Variants in PCDHGB6 observed in about 807,000 individuals in gnomAD.
PCDHGB6 encodes the protein protocadherin gamma subfamily B, 6.
PCDHGB6 carries 51 observed loss-of-function variants against 59.1 expected under a neutral mutation model. The observed-to-expected ratio is 0.86, with a 90% CI of 0.69 to 1.09. The LOEUF (loss-of-function observed/expected upper bound fraction) is 1.09, where lower values mean the gene tolerates loss of function less well. Among genes scored for constraint, PCDHGB6 ranks in the 50% least tolerant of loss-of-function variants. The pLI is 0.00. For synonymous variants in PCDHGB6, 466 were observed against 495.1 expected (o/e 0.94, Z 0.78); for missense variants, 1,148 against 1,205.1 (o/e 0.95, Z 0.70).
At chr5:141,436,991 T>G (rs1016670604) in intron 1 of PCDHGB6, among the ~76,000 whole-genome samples, 2 of 152,238 alleles carry the variant, frequency 1.3e-5, no homozygotes, top group African/African-American at 4.8e-5. Flanking sequence ...AGAAGCAGTT[T>G]ACTTCAATGG....
chr5:141,428,354 T>G, intron 1 of PCDHGB6: 1 of 572,018 alleles, frequency 1.7e-6, no homozygotes. Context: ...GCAGTGATTT[T>G]GGCGGTCGCC....
In PCDHGB6 at chr5:141,493,985, C is replaced by A. The variant is rs1444608753; in HGVS notation, c.2419-822C>A. On this transcript the variant is annotated intron_variant, in intron 1 of 3. Coordinates refer to ENST00000520790, the MANE Select transcript of PCDHGB6 (RefSeq NM_018926.3). This position sits in a 1 kb window ranked among gnomAD's most constrained non-coding sequence, Gnocchi z 4.3. ...GCTGGCCAGAGCCCCACACCTTCAGCTAGGTGGGAGATGGCTACACATCAG... is the reference window on the plus strand; with the variant it reads ...GCTGGCCAGAGCCCCACACCTTCAGATAGGTGGGAGATGGCTACACATCAG... Among the ~76,000 whole-genome samples the A allele has an allele frequency of 6.6e-6, 1 of 152,196 alleles. No individual in the cohort carries two copies. The highest frequency in any genetic ancestry group is 1.5e-5 in the Non-Finnish European group (1 of 68,032).
chr5:141,414,469 G>T (rs944183814), intron 1 of PCDHGB6: 1 of 1,613,742 alleles, frequency 6.2e-7, no homozygotes, highest in African/African-American at 1.3e-5. Context: ...CACAGATGGG[G>T]GAAGTCCTCC....
chr5:141,491,850 T>C lies in PCDHGB6; in HGVS notation c.2419-2957T>C. ...CCCGATTCTCGGGATCATTGGACCG[T>C]TTGCGCGAAACCAGAGTGGCCGATT... On this transcript the variant is annotated intron_variant, in intron 1 of 3. Transcript: ENST00000520790. The surrounding 1 kb of genome is among the most constrained non-coding windows in gnomAD (Gnocchi z 6.9). 6.8e-7 allele frequency: 1 copy of C among 1,460,996 alleles called. No homozygotes were observed. The highest frequency in any genetic ancestry group is 2.5e-5 in the East Asian group (1 of 40,084). The allele number at this position is 1,460,996 out of a possible 1,614,324, so 90.5% of individuals were successfully genotyped here.
intron 1 of PCDHGB6, among the ~76,000 whole-genome samples, chr5:141,444,152 ATTTTTTTTTTTTTTT>A (rs747671382): frequency 3.8e-4 from 13 of 33,894 alleles, no homozygotes; most frequent in East Asian, 1.0e-3. Context: ...TGTGTACTGG[ATTTTTTTTTTTTTTT>A]TTTTTTTTTT....
chr5:141,478,847 AAC>A (rs2099480409), intron 1 of PCDHGB6: 1 of 1,389,782 alleles, frequency 7.2e-7, no homozygotes, highest in South Asian at 1.5e-5. Context: ...GTTAAGCTAA[AAC>A]ACAAGATCTC....
In PCDHGB6 at chr5:141,489,088, G is replaced by GGCA; in HGVS notation, c.2419-5719_2419-5718insGCA. The GGCA allele has an allele frequency of 2.9e-6, 1 of 347,238 alleles. No individual in the cohort carries two copies. Among genetic ancestry groups the GGCA allele is most frequent in the Non-Finnish European group, 5.0e-6 (1 of 200,706 alleles). The allele number at this position is 347,238 out of a possible 1,614,324, so 21.5% of individuals were successfully genotyped here. A position where few individuals can be genotyped will look rare whatever the true frequency, so the allele number is the denominator to read the frequency against. The stretch of plus-strand genomic sequence containing the variant: ...CCCCTGCCCACCCCCGCCACTCGGT[G>GGCA]ACTAAGAACTGCTGCAAGCAGGCAA... On this transcript the variant is annotated intron_variant, in intron 1 of 3. Coordinates refer to ENST00000520790, the MANE Select transcript of PCDHGB6 (RefSeq NM_018926.3). This position sits in a 1 kb window ranked among gnomAD's most constrained non-coding sequence, Gnocchi z 4.5.
chr5:141,434,992 C>A (rs2097735368), intron 1 of PCDHGB6, among the ~76,000 whole-genome samples: 1 of 151,902 alleles, frequency 6.6e-6, no homozygotes, highest in Non-Finnish European at 1.5e-5. Context: ...ATATCATTTT[C>A]TAGCTGAATT....
intron 1 of PCDHGB6, among the ~76,000 whole-genome samples, chr5:141,466,594 C>G (rs557960608): frequency 6.6e-6 from 1 of 152,268 alleles, no homozygotes; most frequent in Admixed American, 6.5e-5. Flanking sequence ...TTAAAACAAG[C>G]TAGCTACTTG....
In PCDHGB6 at chr5:141,432,601, G is replaced by A. The variant is rs1313279772; in HGVS notation, c.2418+21981G>A. The A allele has an allele frequency of 5.6e-6, 9 of 1,613,950 alleles. No homozygotes were observed. Among genetic ancestry groups the A allele is most frequent in the Admixed American group, 1.7e-5 (1 of 60,030 alleles). On this transcript the variant is annotated intron_variant, in intron 1 of 3. Transcript: ENST00000520790. The surrounding 1 kb of genome is among the most constrained non-coding windows in gnomAD (Gnocchi z 6.0). ...ACCGTCTGCTCAAGGCCAGCGAGCC[G>A]GGACTCTTCTCGGTGGGTCTGCACA...
In PCDHGB6 at chr5:141,428,425, T is replaced by A. The variant is rs1193842204; in HGVS notation, c.2418+17805T>A. ...GGGTTGCTTTCACCCTGGTCTCTGT[T>A]CTAAGACTAGACCAGGGGTTTTTCC... On this transcript the variant is annotated intron_variant, in intron 1 of 3. Transcript: ENST00000520790. 4 of 436,598 alleles carry A rather than the reference T, an allele frequency of 9.2e-6. No homozygotes were observed. In the East Asian group the frequency reaches 1.9e-4, roughly 21 times the overall value. 27.0% of individuals were successfully genotyped at this position (436,598 alleles called of 1,614,324 possible). A position where few individuals can be genotyped will look rare whatever the true frequency, so the allele number is the denominator to read the frequency against.
chr5:141,509,303 G>A (rs911736752), intron 3 of PCDHGB6, among the ~76,000 whole-genome samples: 1 of 152,210 alleles, frequency 6.6e-6, no homozygotes, highest in Admixed American at 6.5e-5. Context: ...GGAGGCAGAG[G>A]GAGGCTGGGA....
At chr5:141,437,887 G>A (rs1289693561) in intron 1 of PCDHGB6, among the ~76,000 whole-genome samples, 12 of 151,946 alleles carry the variant, frequency 7.9e-5, no homozygotes, top group Admixed American at 3.3e-4. Flanking sequence ...ACAGGCACAC[G>A]CCACCACACC....
At chr5:141,455,330 G>T (rs2098819667) in intron 1 of PCDHGB6, among the ~76,000 whole-genome samples, 1 of 152,042 alleles carries the variant, frequency 6.6e-6, no homozygotes, top group South Asian at 2.1e-4. Context: ...GTGTGTTTGT[G>T]GTTTTAAGGA....
intron 1 of PCDHGB6, chr5:141,441,795 C>T (rs569465359): frequency 2.6e-6 from 1 of 387,758 alleles, no homozygotes; most frequent in Non-Finnish European, 5.1e-6. Flanking sequence ...TGACAACGCA[C>T]CGCGGGTGCT....
At chr5:141,419,432 C>A (rs2096381830) in intron 1 of PCDHGB6, 1 of 1,613,160 alleles carries the variant, frequency 6.2e-7, no homozygotes, top group Non-Finnish European at 8.5e-7. Flanking sequence ...CCACGAGCAG[C>A]TGCGCACCTT....
intron 1 of PCDHGB6, chr5:141,414,449 C>T (rs1223779483): frequency 6.2e-7 from 1 of 1,613,730 alleles, no homozygotes; most frequent in Non-Finnish European, 8.5e-7. Context: ...TACAATATCA[C>T]AGTGACAGCC....
rs753372015 is a variant in PCDHGB6 at position 141,422,180 on chromosome 5, T to C, written c.2418+11560T>C. The stretch of plus-strand genomic sequence containing the variant: ...TTTGAAAAATATAGATTCTATGAGA[T>C]GGAAATTCAAGGCCAAGATGGTGGA... On this transcript the variant is annotated intron_variant, in intron 1 of 3. Coordinates refer to ENST00000520790, the MANE Select transcript of PCDHGB6 (RefSeq NM_018926.3). 1.1e-5 allele frequency: 17 copies of C among 1,562,190 alleles called. No homozygotes were observed. In the African/African-American group the frequency reaches 1.9e-4, roughly 18 times the overall value.
In PCDHGB6 at chr5:141,487,608, G is replaced by T; in HGVS notation, c.2419-7199G>T. 1 of 1,614,182 alleles carries T rather than the reference G, an allele frequency of 6.2e-7. No individual in the cohort carries two copies. The highest frequency in any genetic ancestry group is 8.5e-7 in the Non-Finnish European group (1 of 1,180,042). On this transcript the variant is annotated intron_variant, in intron 1 of 3. Coordinates refer to ENST00000520790, the MANE Select transcript of PCDHGB6 (RefSeq NM_018926.3). The surrounding 1 kb of genome is among the most constrained non-coding windows in gnomAD (Gnocchi z 5.0). ...TGCCCACCCTCTGATCTTCTCTATG[G>T]GCTAGAGGTGAGACCTTTGCAGGCT...
Sources: gnomAD v4.1 joint callset for allele counts (sites outside exome capture counted in the v4.1 genomes callset) on GRCh38, gnomAD v4.1.1 for gene constraint, Gnocchi (gnomAD v3.1) non-coding constraint, MANE v1.5 for transcripts, NCBI Gene and HGNC (gene_info 2026-07-23, HGNC 2026-07-21) for gene names.